Variants in DNHD1 observed in about 807,000 individuals in gnomAD.
DNHD1 encodes the protein dynein heavy chain domain-containing protein 1.
DNHD1 carries 383 observed loss-of-function variants against 458.1 expected under a neutral mutation model. The observed-to-expected ratio is 0.84, with a 90% CI of 0.77 to 0.91. The LOEUF (loss-of-function observed/expected upper bound fraction) is 0.91. Ranked by LOEUF, DNHD1 falls within the 40% of genes least tolerant of loss-of-function variation. The pLI, the probability that DNHD1 is intolerant of heterozygous loss-of-function variation, is 0.00. For synonymous variants in DNHD1, 2,203 were observed against 2,376.9 expected (o/e 0.93, Z 2.13); for missense variants, 5,336 against 5,866.1 (o/e 0.91, Z 2.95).
chr11:6,566,502 A>T (rs1332784020), intron 34 of DNHD1, 85 bp from the exon 35 acceptor site: 1 of 1,560,122 alleles, frequency 6.4e-7, no homozygotes, highest in African/African-American at 1.4e-5. Context: ...GCACAGGTCT[A>T]TAGCAGGGAG....
intron 3 of DNHD1, among the ~76,000 whole-genome samples, chr11:6,500,678 C>G (rs979870788): frequency 1.3e-5 from 2 of 152,162 alleles, no homozygotes; most frequent in African/African-American, 4.8e-5. Flanking sequence ...CCTCTGAGGT[C>G]TAGCTAATAT....
Position 6,544,257 on chromosome 11 carries a change from G to T in DNHD1, c.3754+11G>T, listed in dbSNP as rs75814048. 162,242 of 1,551,146 alleles carry T rather than the reference G, an allele frequency of 0.1. 9,024 individuals are homozygous for T. Among genetic ancestry groups the T allele is most frequent in the South Asian group, 0.12 (9,969 of 84,044 alleles). On this transcript the variant is annotated intron_variant, in intron 19 of 42. Coordinates refer to ENST00000254579, the MANE Select transcript of DNHD1 (RefSeq NM_144666.3). ...TCATGCATGGCCTGGGTAAGTGCAG[G>T]CCTCTAGCCAGGCTGATGGGTGAGA...
chr11:6,539,139 GCTGGGCT>G (rs926659012), intron 16 of DNHD1, 73 bp from the exon 17 acceptor site: 1 of 1,001,996 alleles, frequency 1.0e-6, no homozygotes, highest in African/African-American at 1.6e-5. Context: ...GCTGGGCTGG[GCTGGGCT>G]CTGGGATATG....
Position 6,528,628 on chromosome 11 carries a change from G to A in DNHD1, c.1944G>A (p.Val648=). The change falls in exon 11 of 43, where the codon GTG becomes GTA. Residue 648 remains valine, a synonymous_variant. Transcript: ENST00000254579. ...SIFCGPNVGL[V]WPWKSHPIAG... ...TCTGTGGCCCGAATGTGGGATTGGT[G>A]TGGCCCTGGAAGTCTCACCCAATTG... is the stretch of plus-strand genomic sequence containing the variant. 1 of 1,551,742 alleles carries A rather than the reference G, an allele frequency of 6.4e-7. No individual in the cohort carries two copies. The highest frequency in any genetic ancestry group is 8.7e-7 in the Non-Finnish European group (1 of 1,147,002).
In DNHD1 at chr11:6,545,973, G is replaced by A; in HGVS notation, c.5034G>A (p.Glu1678=). 6.4e-7 allele frequency: 1 copy of A among 1,551,800 alleles called. No homozygotes were observed. The highest frequency in any genetic ancestry group is 8.7e-7 in the Non-Finnish European group (1 of 1,147,010). ...CCCTGGTACTATTATTGGCCCTAGAGGAGGTGGCCTGTGGGACCGTACTGG... is the reference window on the plus strand; with the variant it reads ...CCCTGGTACTATTATTGGCCCTAGAAGAGGTGGCCTGTGGGACCGTACTGG... ...RPALVLLLAL[E]EVACGTVLGP... The change falls in exon 21 of 43, where the codon GAG becomes GAA. Residue 1678 remains glutamate (E), a synonymous_variant. Coordinates refer to ENST00000254579, the MANE Select transcript of DNHD1 (RefSeq NM_144666.3). This position sits in a 1 kb window ranked among gnomAD's most constrained non-coding sequence, Gnocchi z 4.9.
At position 6,534,475 on chromosome 11, in the gene DNHD1, T is replaced by C. The variant is rs145146900; in HGVS notation, c.2998+302T>C. Among the ~76,000 whole-genome samples the C allele has an allele frequency of 3.0e-4, 46 of 152,280 alleles. No individual in the cohort carries two copies. In the East Asian group the frequency reaches 8.7e-3, roughly 29 times the overall value. ...GCTAAAAGCATGTGTGGGAGAAATGTAAGTTCTCCTTATAGAACGTAGCCT... is the reference window on the plus strand; with the variant it reads ...GCTAAAAGCATGTGTGGGAGAAATGCAAGTTCTCCTTATAGAACGTAGCCT... On this transcript the variant is annotated intron_variant, in intron 14 of 42. Transcript: ENST00000254579.
chr11:6,554,663 A>G (rs906428050), intron 24 of DNHD1, among the ~76,000 whole-genome samples: 6 of 152,082 alleles, frequency 3.9e-5, no homozygotes, highest in African/African-American at 1.5e-4. Flanking sequence ...TGAGTGGGCA[A>G]CAGTATACAA....
chr11:6,557,291 T>C lies in DNHD1; in HGVS notation c.7996T>C (p.Ser2666Pro), dbSNP rs770744249. ...CDRLDSPRERSYCAKLLLVVA... is the reference protein window; with the variant it reads ...CDRLDSPRERPYCAKLLLVVA... ...CCGGCTGGACAGCCCCAGGGAACGC[T>C]CCTACTGTGCCAAGCTGCTCCTAGT... Residue 2666 changes from serine to proline, a missense_variant, in exon 25 of 43, where the codon TCC becomes CCC. Physicochemically the swap from Ser to Pro is moderately conservative, Grantham distance 74. Around this residue, in one of 4 missense-constraint regions of DNHD1, gnomAD observed 3,932 missense variants for 4,365.6 expected, o/e 0.90. Coordinates refer to ENST00000254579, the MANE Select transcript of DNHD1 (RefSeq NM_144666.3). 6.4e-7 allele frequency: 1 copy of C among 1,551,540 alleles called. No individual in the cohort carries two copies. The highest frequency in any genetic ancestry group is 1.2e-5 in the South Asian group (1 of 84,064).
intron 10 of DNHD1, among the ~76,000 whole-genome samples, chr11:6,528,230 C>G (rs1349449916): frequency 6.6e-6 from 1 of 152,204 alleles, no homozygotes; most frequent in Non-Finnish European, 1.5e-5. Flanking sequence ...TTTAGCTCTC[C>G]TATTATTCTG....
At chr11:6,515,649 A>G (rs1852446669) in intron 7 of DNHD1, among the ~76,000 whole-genome samples, 1 of 151,914 alleles carries the variant, frequency 6.6e-6, no homozygotes, top group African/African-American at 2.4e-5. Flanking sequence ...GTTTCCCTGA[A>G]GATCATTCCT....
At chr11:6,551,941 C>CAA (rs1385986977) in intron 24 of DNHD1, among the ~76,000 whole-genome samples, 1 of 118,016 alleles carries the variant, frequency 8.5e-6, no homozygotes, top group Non-Finnish European at 1.8e-5. Context: ...ACTCCGTCTC[C>CAA]AAAAAAAAAA....
In DNHD1 at chr11:6,563,071, T is replaced by G. The variant is rs1351779216; in HGVS notation, c.9609T>G (p.Ile3203Met). The G allele has an allele frequency of 1.9e-5, 30 of 1,551,384 alleles. No individual in the cohort carries two copies. Among genetic ancestry groups the G allele is most frequent in the Non-Finnish European group, 2.4e-5 (28 of 1,146,942 alleles). ...LEECRHQENL[I>M]ENLARQRDAL... The stretch of plus-strand genomic sequence containing the variant: ...AGTGTCGGCATCAAGAGAACCTCAT[T>G]GAGAACCTGGCCAGGCAACGGGATG... Residue 3203 changes from isoleucine (I) to methionine (M), a missense_variant, in exon 29 of 43, where the codon ATT becomes ATG. By Grantham distance (10) the Ile-to-Met change is conservative. Transcript: ENST00000254579.
intron 12 of DNHD1, among the ~76,000 whole-genome samples, chr11:6,529,734 G>A (rs893228871): frequency 2.0e-5 from 3 of 152,144 alleles, no homozygotes; most frequent in African/African-American, 7.2e-5. Flanking sequence ...TGGCTTCTGA[G>A]GTGTGATACA....
chr11:6,569,994 G>T lies in DNHD1; in HGVS notation c.12864-15G>T. 1.2e-6 allele frequency: 2 copies of T among 1,611,000 alleles called. No homozygotes were observed. Among genetic ancestry groups the T allele is most frequent in the South Asian group, 2.2e-5 (2 of 90,956 alleles). On this transcript the variant is annotated splice_polypyrimidine_tract_variant and intron_variant, in intron 39 of 42. Coordinates refer to ENST00000254579, the MANE Select transcript of DNHD1 (RefSeq NM_144666.3). ...GATGATATGTGAAACCCTGCTTTCC[G>T]CTCCCCTTCTCTAGGAGTCAAGTGA... is the stretch of plus-strand genomic sequence containing the variant.
chr11:6,564,378 T>C lies in DNHD1; in HGVS notation c.10330T>C (p.Cys3444Arg), dbSNP rs747460815. Residue 3444 changes from cysteine (C) to arginine (R), a missense_variant, in exon 32 of 43, where the codon TGT (cysteine) becomes CGT (arginine). Around this residue, in one of 4 missense-constraint regions of DNHD1, gnomAD observed 3,932 missense variants for 4,365.6 expected, o/e 0.90. Transcript: ENST00000254579. ...GACTGTGTTTGGAGATACCCTCCTA[T>C]GTTCAGCTGCCATCATCTACCTGGG... ...CMTVFGDTLL[C>R]SAAIIYLGPF... is the part of the protein sequence containing the mutation. 22 of 1,550,678 alleles carry C rather than the reference T, an allele frequency of 1.4e-5. 1 individual carries two copies. The South Asian group carries it at 2.6e-4, about 18-fold the overall frequency.
chr11:6,553,102 A>G (rs1363682240), intron 24 of DNHD1, among the ~76,000 whole-genome samples: 1 of 152,260 alleles, frequency 6.6e-6, no homozygotes, highest in Non-Finnish European at 1.5e-5. Context: ...ATGCAAAAAT[A>G]AATCCTCACT....
chr11:6,543,078 G>A (rs1853132948), intron 18 of DNHD1, among the ~76,000 whole-genome samples: 2 of 152,222 alleles, frequency 1.3e-5, no homozygotes, highest in Non-Finnish European at 2.9e-5. Flanking sequence ...ATGGGGAAGA[G>A]TAAGGGAAGA....
In DNHD1 at chr11:6,509,150, T is replaced by G; in HGVS notation, c.1125-12T>G. On this transcript the variant is annotated splice_polypyrimidine_tract_variant and intron_variant, in intron 5 of 42. Coordinates refer to ENST00000254579, the MANE Select transcript of DNHD1 (RefSeq NM_144666.3). ...CAGCAACAGTATATTATCACTGACCTCTAATTTCTAGTTGGAAGAAGAATG... is the reference window on the plus strand; with the variant it reads ...CAGCAACAGTATATTATCACTGACCGCTAATTTCTAGTTGGAAGAAGAATG... The G allele has an allele frequency of 2.5e-6, 4 of 1,614,128 alleles. No individual in the cohort carries two copies. The South Asian group carries it at 4.4e-5, about 18-fold the overall frequency.
chr11:6,533,821 C>G lies in DNHD1; in HGVS notation c.2646C>G (p.Phe882Leu). Reference protein sequence around the residue: ...EALDISVRRQFGESPIPPCPP... With the variant: ...EALDISVRRQLGESPIPPCPP... ...TGGACATCTCGGTGAGAAGGCAATT[C>G]GGGGAGTCACCCATCCCTCCCTGCC... The change falls in exon 14 of 43, where the codon TTC becomes TTG. Residue 882 changes from phenylalanine (F) to leucine (L), a missense_variant. This residue lies in a region of DNHD1 where 3,932 missense variants were observed against 4,365.6 expected (regional missense o/e 0.90). Coordinates refer to ENST00000254579, the MANE Select transcript of DNHD1 (RefSeq NM_144666.3). 1.3e-6 allele frequency: 2 copies of G among 1,551,218 alleles called. No homozygotes were observed. Among genetic ancestry groups the G allele is most frequent in the South Asian group, 1.2e-5 (1 of 83,978 alleles).
Sources: allele counts gnomAD v4.1 joint callset (sites outside exome capture counted in the v4.1 genomes callset), GRCh38; gene constraint gnomAD v4.1.1; regional missense constraint gnomAD v4.1.1; non-coding constraint Gnocchi (gnomAD v3.1); transcripts MANE v1.5; gene names NCBI Gene and HGNC (gene_info 2026-07-23, HGNC 2026-07-21).